SLC40A1: variants seen among roughly 807,000 people sequenced by gnomAD.
SLC40A1 encodes the protein solute carrier family 40 member 1.
In SLC40A1, 16 loss-of-function variants were observed where a neutral mutation model predicts 53.5. The ratio of observed to expected loss-of-function variants is 0.30; its 90% CI spans 0.20 to 0.45. The LOEUF is 0.45. SLC40A1 is among the 20% of genes least tolerant of loss of function. The probability of loss-of-function intolerance (pLI) is 1.00; values close to 1 mark genes in which losing one functional copy is unlikely to be tolerated. For synonymous variants in SLC40A1, 247 were observed against 253.2 expected (o/e 0.98, Z 0.23); for missense variants, 545 against 695.4 (o/e 0.78, Z 2.43).
At chr2:189,570,917 C>T (rs2031105562) in intron 5 of SLC40A1, among the ~76,000 whole-genome samples, 1 of 152,146 alleles carries the variant, frequency 6.6e-6, no homozygotes, top group Non-Finnish European at 1.5e-5. Context: ...GCAGAGTTGA[C>T]TCAGCTGATC....
chr2:189,567,617 T>C (rs2030977170), intron 5 of SLC40A1, among the ~76,000 whole-genome samples: 1 of 152,214 alleles, frequency 6.6e-6, no homozygotes. Flanking sequence ...AAGCAATCAT[T>C]TGGGTCACCT....
intron 3 of SLC40A1, among the ~76,000 whole-genome samples, chr2:189,573,710 T>C (rs575346588): frequency 6.6e-6 from 1 of 152,342 alleles, no homozygotes; most frequent in Non-Finnish European, 1.5e-5. Context: ...AGGGTCATAA[T>C]GATGCTCAAA....
Position 189,579,780 on chromosome 2 carries a change from A to G in SLC40A1, c.111+33T>C, listed in dbSNP as rs375138265. ...AACGAAAGGAAATAAAAAATTGCGC[A>G]ACTGTGTTGTAAGACTATGCATTCT... On this transcript the variant is annotated intron_variant, in intron 2 of 7. Coordinates refer to ENST00000261024, the MANE Select transcript of SLC40A1 (RefSeq NM_014585.6). 15 of 1,587,602 alleles carry G rather than the reference A, an allele frequency of 9.4e-6. No individual in the cohort carries two copies. In the African/African-American group the frequency reaches 1.8e-4, roughly 19 times the overall value.
In SLC40A1 at chr2:189,563,969, A is replaced by T. The variant is rs779895371; in HGVS notation, c.1017T>A (p.Gly339=). The change falls in exon 7 of 8, where the codon GGT becomes GGA. Residue 339 remains glycine (G), a synonymous_variant. Coordinates refer to ENST00000261024, the MANE Select transcript of SLC40A1 (RefSeq NM_014585.6). Reference sequence around the variant, plus strand: ...CTCCCATCAAAATACTGAGGATGGAACCACTCAGTCCCTGAGTGTAGGCGT... The same window carrying T: ...CTCCCATCAAAATACTGAGGATGGATCCACTCAGTCCCTGAGTGTAGGCGT... ...TGYAYTQGLS[G]SILSILMGAS... 1 of 1,613,996 alleles carries T rather than the reference A, an allele frequency of 6.2e-7. No individual in the cohort carries two copies. Among genetic ancestry groups the T allele is most frequent in the Non-Finnish European group, 8.5e-7 (1 of 1,179,926 alleles).
At chr2:189,566,128 G>A (rs2030933028) in intron 5 of SLC40A1, among the ~76,000 whole-genome samples, 1 of 152,082 alleles carries the variant, frequency 6.6e-6, no homozygotes, top group Admixed American at 6.5e-5. Flanking sequence ...AAGCAAAAGG[G>A]CAGAGAGTGC....
intron 2 of SLC40A1, among the ~76,000 whole-genome samples, chr2:189,578,948 C>A (rs532492927): frequency 2.0e-5 from 3 of 152,226 alleles, no homozygotes; most frequent in South Asian, 2.1e-4. Flanking sequence ...AAATAACATT[C>A]AAAAAATTTA....
chr2:189,565,215 C>T, intron 6 of SLC40A1, 139 bp downstream of exon 6: 8 of 1,098,938 alleles, frequency 7.3e-6, no homozygotes, highest in Non-Finnish European at 9.4e-6. Flanking sequence ...CTTGCCTCGT[C>T]TACCAAAGCG....
intron 2 of SLC40A1, among the ~76,000 whole-genome samples, chr2:189,575,557 G>A (rs752384156): frequency 1.1e-4 from 17 of 152,264 alleles, no homozygotes; most frequent in Admixed American, 2.6e-4. Context: ...TTAATGAACC[G>A]CACATTCTCT....
chr2:189,577,884 T>C (rs1330962601), intron 2 of SLC40A1, among the ~76,000 whole-genome samples: 1 of 152,138 alleles, frequency 6.6e-6, no homozygotes, highest in Admixed American at 6.6e-5. Flanking sequence ...GTGCTAGGAT[T>C]ACAGGCATGA....
At chr2:189,568,345 C>G (rs1326176659) in intron 5 of SLC40A1, among the ~76,000 whole-genome samples, 1 of 152,058 alleles carries the variant, frequency 6.6e-6, no homozygotes, top group African/African-American at 2.4e-5. Flanking sequence ...AAAAATTAGC[C>G]GGGCATGGTG....
At chr2:189,566,041 C>CGTGT (rs371020904) in intron 5 of SLC40A1, among the ~76,000 whole-genome samples, 5 of 150,104 alleles carry the variant, frequency 3.3e-5, no homozygotes, top group East Asian at 3.9e-4. Flanking sequence ...TGTGTGTGTG[C>CGTGT]GTGTGTGTGT....
chr2:189,572,265 AT>A (rs34191173), intron 4 of SLC40A1, among the ~76,000 whole-genome samples: 1 of 152,100 alleles, frequency 6.6e-6, no homozygotes, highest in East Asian at 1.9e-4. Context: ...CTTTGTCTTA[AT>A]TTTTTCAATA....
Position 189,565,369 on chromosome 2 carries a change from G to T in SLC40A1, c.745C>A (p.Leu249Met), listed in dbSNP as rs767184596. The stretch of plus-strand genomic sequence containing the variant: ...TTCAGTTTACCTTTGTGTAAATTCA[G>T]CTGTTTCAATTCAGTTTCCTCTTCT... ...LKEEETELKQ[L>M]NLHKDTEPKP... Residue 249 changes from leucine to methionine, a missense_variant, in exon 6 of 8, where the codon CTG (leucine) becomes ATG (methionine). Physicochemically the swap from Leu to Met is conservative, Grantham distance 15. Around this residue, in one of 4 missense-constraint regions of SLC40A1, gnomAD observed 107 missense variants for 91.0 expected, o/e 1.18. Transcript: ENST00000261024. 2 of 1,614,244 alleles carry T rather than the reference G, an allele frequency of 1.2e-6. No homozygotes were observed. Among genetic ancestry groups the T allele is most frequent in the Admixed American group, 3.3e-5 (2 of 60,026 alleles).
chr2:189,578,467 C>G, intron 2 of SLC40A1: 1 of 591,580 alleles, frequency 1.7e-6, no homozygotes, highest in Non-Finnish European at 2.2e-6. Flanking sequence ...AATCTGACCT[C>G]CTAACCTATT....
intron 5 of SLC40A1, among the ~76,000 whole-genome samples, chr2:189,570,026 A>G (rs896324100): frequency 2.1e-5 from 3 of 142,778 alleles, no homozygotes; most frequent in Non-Finnish European, 4.6e-5. Context: ...ACACCTATAT[A>G]TGTATGTATA....
chr2:189,578,273 A>G, intron 2 of SLC40A1: 1 of 1,001,476 alleles, frequency 1.0e-6, no homozygotes, highest in Non-Finnish European at 1.2e-6. Context: ...AGGAGTAAAA[A>G]TCCACTAAAC....
chr2:189,569,400 C>G (rs2031051530), intron 5 of SLC40A1, among the ~76,000 whole-genome samples: 1 of 152,212 alleles, frequency 6.6e-6, no homozygotes, highest in South Asian at 2.1e-4. Context: ...TGCATAAACA[C>G]AAATCCTTCC....
intron 2 of SLC40A1, 81 bp downstream of exon 2, chr2:189,579,732 G>A: frequency 8.2e-7 from 1 of 1,221,738 alleles, no homozygotes; most frequent in Admixed American, 1.7e-5. Flanking sequence ...AAAACTGGAA[G>A]TTGGCTTAAT....
Position 189,565,560 on chromosome 2 carries a change from T to C in SLC40A1, c.554A>G (p.Asn185Ser). Reference sequence around the variant, plus strand: ...GCCAACAGCCATGGGGGCTAAGATGTTGGTTAACTGGTCAATCCTTCGTAT... The same window carrying C: ...GCCAACAGCCATGGGGGCTAAGATGCTGGTTAACTGGTCAATCCTTCGTAT... The part of the protein sequence containing the change: ...ATIRRIDQLT[N>S]ILAPMAVGQI... The change falls in exon 6 of 8, where the codon AAC becomes AGC. Residue 185 changes from asparagine to serine, a missense_variant. This residue lies in a region of SLC40A1 where 197 missense variants were observed against 278.8 expected (regional missense o/e 0.71). Transcript: ENST00000261024. The C allele has an allele frequency of 1.2e-6, 2 of 1,614,218 alleles. No individual in the cohort carries two copies. Among genetic ancestry groups the C allele is most frequent in the Non-Finnish European group, 1.7e-6 (2 of 1,180,042 alleles).
Sources: allele counts gnomAD v4.1 joint callset (sites outside exome capture counted in the v4.1 genomes callset), GRCh38; gene constraint gnomAD v4.1.1; regional missense constraint gnomAD v4.1.1; transcripts MANE v1.5; gene names NCBI Gene and HGNC (gene_info 2026-07-23, HGNC 2026-07-21).